PPP2R2B: variants seen among roughly 807,000 people sequenced by gnomAD.
The protein encoded by PPP2R2B is serine/threonine-protein phosphatase 2A 55 kDa regulatory subunit B beta isoform.
PPP2R2B carries 5 observed loss-of-function variants against 46.0 expected under a neutral mutation model. That is an observed-to-expected ratio of 0.11 (90% CI 0.06 to 0.23). PPP2R2B has a LOEUF of 0.23. PPP2R2B is among the 10% of genes least tolerant of loss of function. The pLI is 1.00. For missense variants in PPP2R2B, 367 were observed against 575.0 expected (o/e 0.64, Z 3.70); for synonymous variants, 215 against 206.7 (o/e 1.04, Z -0.34).
intron 2 of PPP2R2B, among the ~76,000 whole-genome samples, chr5:146,798,038 G>A (rs115430417): frequency 6.6e-6 from 1 of 151,990 alleles, no homozygotes; most frequent in Admixed American, 6.6e-5. Flanking sequence ...TACTCCATCC[G>A]AGACAGGCAT....
intron 2 of PPP2R2B, among the ~76,000 whole-genome samples, chr5:146,765,569 TATAA>T (rs1224601631): frequency 6.6e-6 from 1 of 152,254 alleles, no homozygotes; most frequent in Non-Finnish European, 1.5e-5. Flanking sequence ...CACTCTAAAT[TATAA>T]ATAGTTAAAC....
At chr5:146,806,157 G>A (rs955003545) in intron 2 of PPP2R2B, among the ~76,000 whole-genome samples, 14 of 152,064 alleles carry the variant, frequency 9.2e-5, no homozygotes, top group Admixed American at 3.3e-4. Context: ...TGTGTGATGC[G>A]CACATACACA....
intron 3 of PPP2R2B, among the ~76,000 whole-genome samples, chr5:146,698,895 C>G (rs751180187): frequency 6.6e-6 from 1 of 151,156 alleles, no homozygotes; most frequent in Non-Finnish European, 1.5e-5. Flanking sequence ...GGACTACATA[C>G]ATGATGAGAG....
chr5:146,834,673 C>T (rs1174961109), intron 2 of PPP2R2B, among the ~76,000 whole-genome samples: 1 of 152,220 alleles, frequency 6.6e-6, no homozygotes, highest in Non-Finnish European at 1.5e-5. Flanking sequence ...TGGGAGTACA[C>T]ATGCAGGTTT....
At chr5:146,748,944 G>A (rs779985089) in intron 2 of PPP2R2B, among the ~76,000 whole-genome samples, 6 of 152,130 alleles carry the variant, frequency 3.9e-5, no homozygotes, top group Non-Finnish European at 7.4e-5. Context: ...TGGTATTATA[G>A]TTTCATGTTT....
At chr5:146,982,399 A>G (rs1323268697) in intron 1 of PPP2R2B, among the ~76,000 whole-genome samples, 2 of 152,170 alleles carry the variant, frequency 1.3e-5, no homozygotes, top group African/African-American at 2.4e-5. Flanking sequence ...CATTTTGGCC[A>G]GAGAACACCC....
chr5:146,628,511 C>T (rs2151066963), intron 7 of PPP2R2B, among the ~76,000 whole-genome samples: 1 of 152,306 alleles, frequency 6.6e-6, no homozygotes, highest in Admixed American at 6.5e-5. Flanking sequence ...TGAACCCTGG[C>T]TCCTCACCCT....
At chr5:146,592,014 G>A in intron 9 of PPP2R2B, 1 of 345,516 alleles carries the variant, frequency 2.9e-6, no homozygotes, top group South Asian at 2.4e-5. Context: ...AATAATAACA[G>A]ATATGTAAAT....
At chr5:146,703,222 A>G (rs1779646425) in intron 2 of PPP2R2B, among the ~76,000 whole-genome samples, 1 of 152,216 alleles carries the variant, frequency 6.6e-6, no homozygotes, top group African/African-American at 2.4e-5. Context: ...TACAGCCTAA[A>G]GCGGGCATGT....
At chr5:147,015,724 G>A (rs1430902303) in intron 1 of PPP2R2B, among the ~76,000 whole-genome samples, 1 of 150,330 alleles carries the variant, frequency 6.7e-6, no homozygotes, top group Admixed American at 6.7e-5. Context: ...TGTAAAATAA[G>A]AATGCTAATA....
chr5:146,825,972 C>A (rs1758555024), intron 2 of PPP2R2B, among the ~76,000 whole-genome samples: 1 of 152,088 alleles, frequency 6.6e-6, no homozygotes, highest in Non-Finnish European at 1.5e-5. Context: ...CCATCTCATG[C>A]CAGGGGAATC....
Position 146,744,488 on chromosome 5 carries a change from C to T in PPP2R2B, c.71-43346G>A, listed in dbSNP as rs114339959. ...ACACACAGGCTGGGACTGAAGAGAG[C>T]TTTCAGAATGAACAATGGGTGGAAA... On this transcript the variant is annotated intron_variant, in intron 2 of 9. Coordinates refer to ENST00000394411, the MANE Select transcript of PPP2R2B (RefSeq NM_181675.4). 9.4e-3 allele frequency among the ~76,000 whole-genome samples: 1,439 copies of T among 152,290 alleles called. 21 individuals carry two copies. The highest frequency in any genetic ancestry group is 0.065 in the Middle Eastern group (19 of 294).
chr5:146,797,605 G>A (rs1262676783), intron 2 of PPP2R2B, among the ~76,000 whole-genome samples: 1 of 152,198 alleles, frequency 6.6e-6, no homozygotes, highest in Non-Finnish European at 1.5e-5. Flanking sequence ...TGCTTAAAGA[G>A]ACCTATCTAC....
At chr5:146,970,447 T>A (rs1582520273) in intron 1 of PPP2R2B, among the ~76,000 whole-genome samples, 1 of 151,852 alleles carries the variant, frequency 6.6e-6, no homozygotes, top group South Asian at 2.1e-4. Flanking sequence ...CTAAAAAAAA[T>A]TAGCCATGCG....
intron 2 of PPP2R2B, among the ~76,000 whole-genome samples, chr5:146,797,297 T>C (rs1449077231): frequency 2.6e-5 from 4 of 152,210 alleles, no homozygotes; most frequent in Non-Finnish European, 5.9e-5. Flanking sequence ...CATGCCACTA[T>C]TGCTAATTTT....
intron 7 of PPP2R2B, among the ~76,000 whole-genome samples, chr5:146,617,698 C>CTTTTTT (rs537190222): frequency 7.1e-6 from 1 of 141,712 alleles, no homozygotes; most frequent in Non-Finnish European, 1.5e-5. Context: ...CTCTCTCTCT[C>CTTTTTT]TTTTTTTTTT....
chr5:146,741,165 T>G (rs1471119185), intron 2 of PPP2R2B, among the ~76,000 whole-genome samples: 1 of 152,124 alleles, frequency 6.6e-6, no homozygotes, highest in East Asian at 1.9e-4. Flanking sequence ...ATCACAGAGA[T>G]TTTGAAAAAA....
At chr5:147,072,792 C>T (rs956148873) in intron 2 of PPP2R2B, among the ~76,000 whole-genome samples, 4 of 152,160 alleles carry the variant, frequency 2.6e-5, no homozygotes, top group Non-Finnish European at 5.9e-5. Context: ...CTGGCAATCA[C>T]CCAGGGAACC....
intron 1 of PPP2R2B, among the ~76,000 whole-genome samples, chr5:146,907,404 C>T (rs560392560): frequency 1.3e-5 from 2 of 152,280 alleles, no homozygotes; most frequent in African/African-American, 2.4e-5. Context: ...CCCATATGAG[C>T]GTTCCCAAAG....
Sources: gnomAD v4.1 joint callset for allele counts (sites outside exome capture counted in the v4.1 genomes callset) on GRCh38, gnomAD v4.1.1 for gene constraint, MANE v1.5 for transcripts, NCBI Gene and HGNC (gene_info 2026-07-23, HGNC 2026-07-21) for gene names.